Variants in NAA60 observed in about 807,000 individuals in gnomAD.
NAA60 encodes N-alpha-acetyltransferase 60, NatF catalytic subunit, also known as N-alpha-acetyltransferase 60.
NAA60 carries 8 observed loss-of-function variants against 26.1 expected under a neutral mutation model. The observed-to-expected ratio is 0.31, with a 90% confidence interval of 0.18 to 0.55. NAA60 has a LOEUF of 0.55. Ranked by LOEUF, NAA60 falls within the 20% of genes least tolerant of loss-of-function variation. The probability of loss-of-function intolerance (pLI) is 0.93; values close to 1 mark genes in which losing one functional copy is unlikely to be tolerated. For missense variants in NAA60, 290 were observed against 311.3 expected (o/e 0.93, Z 0.51); for synonymous variants, 131 against 122.5 (o/e 1.07, Z -0.46).
chr16:3,485,856 G>C lies in NAA60; in HGVS notation c.*596G>C, dbSNP rs767042000. 8.3e-6 allele frequency: 3 copies of C among 360,836 alleles called. No individual in the cohort carries two copies. The highest frequency in any genetic ancestry group is 6.4e-5 in the African/African-American group (3 of 46,766). The allele number at this position is 360,836 out of a possible 1,614,324, so 22.4% of individuals were successfully genotyped here. ...GGGCAGCCTGGGGGAGGCTTTCCTC[G>C]CAAGCACAGAGCTCTGAGGCTCAGC... On this transcript the variant is annotated 3_prime_UTR_variant, in exon 8 of 8. Transcript: ENST00000407558.
intron 2 of NAA60, chr16:3,458,058 C>G (rs890880738): frequency 2.0e-6 from 2 of 985,234 alleles, no homozygotes; most frequent in African/African-American, 1.7e-5. Flanking sequence ...TCCGTCCCGG[C>G]TGCGGCCCCT....
At chr16:3,460,410 C>A (rs2035309183) in intron 2 of NAA60, among the ~76,000 whole-genome samples, 1 of 152,200 alleles carries the variant, frequency 6.6e-6, no homozygotes, top group African/African-American at 2.4e-5. Flanking sequence ...GTCGCCCAGG[C>A]TAGAATGCAG....
At chr16:3,451,691 G>A (rs899433410) in intron 2 of NAA60, among the ~76,000 whole-genome samples, 1 of 152,068 alleles carries the variant, frequency 6.6e-6, no homozygotes, top group African/African-American at 2.4e-5. Context: ...GCCAAGGTGG[G>A]TGGATCACCT....
chr16:3,449,719 C>G (rs1272261894), intron 2 of NAA60, among the ~76,000 whole-genome samples: 3 of 152,128 alleles, frequency 2.0e-5, no homozygotes, highest in Non-Finnish European at 1.5e-5. Context: ...CAAATCTCAT[C>G]TGCAATTCCC....
intron 2 of NAA60, among the ~76,000 whole-genome samples, chr16:3,462,942 A>G (rs769582698): frequency 2.6e-5 from 4 of 152,168 alleles, no homozygotes; most frequent in Non-Finnish European, 4.4e-5. Context: ...ATTTCTAAAT[A>G]TTTTTTAAAA....
intron 1 of NAA60, among the ~76,000 whole-genome samples, chr16:3,446,530 G>GA (rs200188990): frequency 0.014 from 1,156 of 81,574 alleles, 10 homozygotes; most frequent in Non-Finnish European, 0.023. Flanking sequence ...GACTCTGTCT[G>GA]AAAAAAAAAA....
chr16:3,479,361 G>T, intron 3 of NAA60, 110 bp from the exon 4 acceptor site: 1 of 1,151,204 alleles, frequency 8.7e-7, no homozygotes, highest in South Asian at 1.5e-5. Context: ...GGCAGCCTTA[G>T]AGCAGCAGGC....
chr16:3,465,328 G>A (rs75350883), intron 2 of NAA60, among the ~76,000 whole-genome samples: 1,593 of 151,856 alleles, frequency 0.01, 14 homozygotes, highest in Non-Finnish European at 0.014. Flanking sequence ...AGGCAGCCAC[G>A]GGGTCCCATC....
intron 2 of NAA60, among the ~76,000 whole-genome samples, chr16:3,461,843 CT>C (rs2035416585): frequency 6.6e-6 from 1 of 152,096 alleles, no homozygotes; most frequent in African/African-American, 2.4e-5. Context: ...GGGCCCAGCA[CT>C]TTGGGAGGCC....
intron 1 of NAA60, among the ~76,000 whole-genome samples, chr16:3,446,967 G>T (rs761388313): frequency 5.3e-5 from 8 of 151,790 alleles, no homozygotes; most frequent in East Asian, 1.9e-4. Context: ...TCAGCCTCCC[G>T]AGTAGCTGGG....
intron 3 of NAA60, among the ~76,000 whole-genome samples, chr16:3,478,698 C>T (rs1310646596): frequency 6.6e-6 from 1 of 152,174 alleles, no homozygotes; most frequent in Non-Finnish European, 1.5e-5. Context: ...AGGGCGGGTT[C>T]CTCCCTGTCA....
chr16:3,447,299 G>C (rs941426027), intron 1 of NAA60, among the ~76,000 whole-genome samples: 1 of 152,204 alleles, frequency 6.6e-6, no homozygotes, highest in African/African-American at 2.4e-5. Flanking sequence ...GGTAGTGGTA[G>C]TTATATTTTT....
chr16:3,483,455 A>G lies in NAA60; in HGVS notation c.430A>G (p.Asn144Asp), dbSNP rs2036974389. 7 of 1,613,974 alleles carry G rather than the reference A, an allele frequency of 4.3e-6. No individual in the cohort carries two copies. Among genetic ancestry groups the G allele is most frequent in the Non-Finnish European group, 5.1e-6 (6 of 1,179,870 alleles). Residue 144 changes from asparagine to aspartate, a missense_variant, in exon 6 of 8, where the codon AAC becomes GAC. Coordinates refer to ENST00000407558, the MANE Select transcript of NAA60 (RefSeq NM_001083601.3). ...AIYLHVLTTN[N>D]TAINFYENRD... ...TTACCTGCATGTCCTCACCACCAAC[A>G]ACACAGCAATAAACTTCTATGAAAA...
rs1432609151 is a variant in NAA60 at position 3,485,068 on chromosome 16, C to T, written c.*206+7C>T. On this transcript the variant is annotated splice_region_variant and intron_variant, in intron 7 of 7. Transcript: ENST00000407558. Reference sequence around the variant, plus strand: ...GCATGCCCATCCGTGGCAGGTACGCCACAGCAGACACAAAGGTATGGGAGC... The same window carrying T: ...GCATGCCCATCCGTGGCAGGTACGCTACAGCAGACACAAAGGTATGGGAGC... 1 of 1,421,268 alleles carries T rather than the reference C, an allele frequency of 7.0e-7. No individual in the cohort carries two copies. Among genetic ancestry groups the T allele is most frequent in the East Asian group, 2.5e-5 (1 of 40,242 alleles). 88.0% of individuals were successfully genotyped at this position (1,421,268 alleles called of 1,614,324 possible).
intron 2 of NAA60, among the ~76,000 whole-genome samples, chr16:3,457,189 T>C (rs1290854873): frequency 6.6e-6 from 1 of 152,196 alleles, no homozygotes; most frequent in Non-Finnish European, 1.5e-5. Context: ...CTCACGTCAG[T>C]AATCCCAGTA....
At chr16:3,463,124 G>C (rs1405293837) in intron 2 of NAA60, among the ~76,000 whole-genome samples, 1 of 152,154 alleles carries the variant, frequency 6.6e-6, no homozygotes, top group East Asian at 1.9e-4. Flanking sequence ...CCAAGGCACA[G>C]AGTTTCAGAG....
chr16:3,479,649 G>A (rs766635881), intron 4 of NAA60, 49 bp downstream of exon 4: 1 of 1,595,242 alleles, frequency 6.3e-7, no homozygotes, highest in Non-Finnish European at 8.6e-7. Flanking sequence ...TCATTGGACG[G>A]GCCAAGGGGG....
chr16:3,468,647 C>G (rs2035919136), intron 2 of NAA60, among the ~76,000 whole-genome samples: 1 of 152,242 alleles, frequency 6.6e-6, no homozygotes. Flanking sequence ...TTGGGTCAAG[C>G]AGGATCAGTG....
intron 2 of NAA60, among the ~76,000 whole-genome samples, chr16:3,465,492 C>T (rs1051631863): frequency 2.6e-5 from 4 of 152,178 alleles, no homozygotes; most frequent in African/African-American, 9.7e-5. Context: ...GTCCTTCCGG[C>T]TGCCCCCACC....
Sources: allele counts gnomAD v4.1 joint callset (sites outside exome capture counted in the v4.1 genomes callset), GRCh38; gene constraint gnomAD v4.1.1; transcripts MANE v1.5; gene names NCBI Gene and HGNC (gene_info 2026-07-23, HGNC 2026-07-21).